SLC46A1: variants seen among roughly 807,000 people sequenced by gnomAD.
SLC46A1 encodes proton-coupled folate transporter.
In SLC46A1, 17 loss-of-function variants were observed where a neutral mutation model predicts 32.1. That is an observed-to-expected ratio of 0.53 (90% CI 0.36 to 0.79). The LOEUF (loss-of-function observed/expected upper bound fraction) is 0.79, where lower values mean the gene tolerates loss of function less well. Among genes scored for constraint, SLC46A1 ranks in the 30% least tolerant of loss-of-function variants. SLC46A1 has a pLI of 0.00. For missense variants in SLC46A1, 517 were observed against 588.2 expected (o/e 0.88, Z 1.25); for synonymous variants, 240 against 262.7 (o/e 0.91, Z 0.84).
In SLC46A1 at chr17:28,399,731, G is replaced by C. The variant is rs782810421; in HGVS notation, c.1323-18C>G. 5.8e-5 allele frequency: 94 copies of C among 1,613,800 alleles called. No homozygotes were observed. The Middle Eastern group carries it at 6.6e-4, about 11-fold the overall frequency. ...CCAGCATCCTGTGAGAGACCAGAGA[G>C]AGAGTTTGGATTTCATGTGGGGAAC... On this transcript the variant is annotated intron_variant, in intron 4 of 4. Coordinates refer to ENST00000612814, the MANE Select transcript of SLC46A1 (RefSeq NM_080669.6).
Position 28,396,289 on chromosome 17 carries a change from A to T in SLC46A1, c.*3367T>A, listed in dbSNP as rs367878633. ...CTGCACCCATGGGTCCAACCTAACC[A>T]GTCCCCAGTTCCCCAGCCCTGCTGT... On this transcript the variant is annotated 3_prime_UTR_variant, in exon 5 of 5. Coordinates refer to ENST00000612814, the MANE Select transcript of SLC46A1 (RefSeq NM_080669.6). 2.9e-5 allele frequency: 46 copies of T among 1,613,784 alleles called. No individual in the cohort carries two copies. In the African/African-American group the frequency reaches 6.1e-4, roughly 22 times the overall value.
At chr17:28,402,357 C>A in intron 2 of SLC46A1, 36 bp from the exon 3 acceptor site, 1 of 1,584,386 alleles carries the variant, frequency 6.3e-7, no homozygotes, top group East Asian at 2.2e-5. Flanking sequence ...GAAAATGGGG[C>A]TGGGGAGAGG....
Position 28,405,297 on chromosome 17 carries a change from C to T in SLC46A1, c.400G>A (p.Val134Met). ...LLLQALVSVF[V>M]VQLQLHVGYF... Reference sequence around the variant, plus strand: ...CCGACGTGGAGCTGCAGCTGCACCACAAAAACGGACACTAGGGCCTGGAGC... The same window carrying T: ...CCGACGTGGAGCTGCAGCTGCACCATAAAAACGGACACTAGGGCCTGGAGC... The change falls in exon 2 of 5, where the codon GTG (valine) becomes ATG (methionine). Residue 134 changes from valine to methionine, a missense_variant. By Grantham distance (21) the Val-to-Met change is conservative. Transcript: ENST00000612814. 1.9e-6 allele frequency: 3 copies of T among 1,589,366 alleles called. No individual in the cohort carries two copies. Among genetic ancestry groups the T allele is most frequent in the Non-Finnish European group, 2.6e-6 (3 of 1,168,594 alleles).
rs2068114071 is a variant in SLC46A1 at position 28,395,807 on chromosome 17, GC to G, written c.*3848del. ...CATCAGGACTGGTGTCCTGCCCTGG[GC>G]CCAGCCTCGGGCCAGTGGGCCTCCC... On this transcript the variant is annotated 3_prime_UTR_variant, in exon 5 of 5. Transcript: ENST00000612814. 1 of 1,420,638 alleles carries G rather than the reference GC, an allele frequency of 7.0e-7. No homozygotes were observed. 88.0% of individuals were successfully genotyped at this position (1,420,638 alleles called of 1,614,324 possible).
At chr17:28,406,215 G>T, upstream of SLC46A1, 1 of 897,436 alleles carries the variant, frequency 1.1e-6, no homozygotes, top group Non-Finnish European at 1.5e-6. This position sits in a 1 kb window ranked among gnomAD's most constrained non-coding sequence, Gnocchi z 4.5. Flanking sequence ...CGCTGTCTGC[G>T]CCTGCGCCCG....
At position 28,404,941 on chromosome 17, in the gene SLC46A1, G is replaced by C. The variant is rs185900287; in HGVS notation, c.756C>G (p.Val252=). 2.5e-3 allele frequency: 4,074 copies of C among 1,614,062 alleles called. 10 individuals are homozygous for C. The highest frequency in any genetic ancestry group is 2.7e-3 in the Non-Finnish European group (3,143 of 1,179,910). ...CTGGGGCGGGAGCCACATAGAGCTG[G>C]ACAATGGATCGGTGGTGACGGAACG... ...LFTFRHHRSI[V]QLYVAPAPEK... Residue 252 remains valine, a synonymous_variant, in exon 2 of 5, where the codon GTC becomes GTG. Coordinates refer to ENST00000612814, the MANE Select transcript of SLC46A1 (RefSeq NM_080669.6).
Position 28,396,786 on chromosome 17 carries a change from C to T in SLC46A1, c.*2870G>A. On this transcript the variant is annotated 3_prime_UTR_variant, in exon 5 of 5. Coordinates refer to ENST00000612814, the MANE Select transcript of SLC46A1 (RefSeq NM_080669.6). ...CCACTCAGACTGTGCCTGGCCCCTG[C>T]ACTTACAACTTCCTGCCGCTCTGTG... 1 of 158,436 alleles carries T rather than the reference C, an allele frequency of 6.3e-6. No homozygotes were observed. The highest frequency in any genetic ancestry group is 1.4e-5 in the Non-Finnish European group (1 of 71,918). The allele number at this position is 158,436 out of a possible 1,614,324, so 9.8% of individuals were successfully genotyped here. A position where few individuals can be genotyped will look rare whatever the true frequency, so the allele number is the denominator to read the frequency against.
chr17:28,395,850 C>T lies in SLC46A1; in HGVS notation c.*3806G>A. The T allele has an allele frequency of 1.9e-6, 3 of 1,604,184 alleles. No homozygotes were observed. The highest frequency in any genetic ancestry group is 3.3e-5 in the Admixed American group (2 of 59,920). ...GGGCCTCCCAGCACCTGCCTGGCTA[C>T]AAGGGTCCCTAGATGGGTACAGGGG... On this transcript the variant is annotated 3_prime_UTR_variant, in exon 5 of 5. Transcript: ENST00000612814.
rs1377908954 is a variant in SLC46A1 at position 28,395,302 on chromosome 17, G to C, written c.*4354C>G. ...TTATAAAGGACACAGCTCAAGAATA[G>C]CCAAATGGAAGAGATACATAGGATC... is the stretch of plus-strand genomic sequence containing the variant. On this transcript the variant is annotated 3_prime_UTR_variant, in exon 5 of 5. Transcript: ENST00000612814. 3 of 152,406 alleles carry C rather than the reference G, an allele frequency of 2.0e-5. No homozygotes were observed. Among genetic ancestry groups the C allele is most frequent in the Non-Finnish European group, 4.4e-5 (3 of 68,236 alleles). 9.4% of individuals were successfully genotyped at this position (152,406 alleles called of 1,614,324 possible). A position where few individuals can be genotyped will look rare whatever the true frequency, so the allele number is the denominator to read the frequency against.
In SLC46A1 at chr17:28,405,471, G is replaced by T; in HGVS notation, c.229-3C>A. On this transcript the variant is annotated splice_polypyrimidine_tract_variant and splice_region_variant and intron_variant, in intron 1 of 4. Coordinates refer to ENST00000612814, the MANE Select transcript of SLC46A1 (RefSeq NM_080669.6). ...TGGGAGGTAAGGGTCTCCACTTCCT[G>T]TAGGGGCACAATGACCAGGGTGCGG... is the stretch of plus-strand genomic sequence containing the variant. 1.3e-6 allele frequency: 2 copies of T among 1,597,210 alleles called. No individual in the cohort carries two copies. Among genetic ancestry groups the T allele is most frequent in the Non-Finnish European group, 1.7e-6 (2 of 1,173,496 alleles).
Position 28,400,817 on chromosome 17 carries a change from A to G in SLC46A1, c.1166-51T>C. On this transcript the variant is annotated intron_variant, in intron 3 of 4. Coordinates refer to ENST00000612814, the MANE Select transcript of SLC46A1 (RefSeq NM_080669.6). ...TGGAGTCCGAAAGGGCCATATTCCA[A>G]CTCTGGCACCACCACCTCACAGCTG... The G allele has an allele frequency of 2.6e-6, 4 of 1,512,570 alleles. No homozygotes were observed. In the Admixed American group the frequency reaches 7.9e-5, roughly 30 times the overall value. The allele number at this position is 1,512,570 out of a possible 1,614,324, so 93.7% of individuals were successfully genotyped here. A position where few individuals can be genotyped will look rare whatever the true frequency, so the allele number is the denominator to read the frequency against.
intron 2 of SLC46A1, 38 bp downstream of exon 2, chr17:28,404,578 C>A (rs551010444): frequency 6.2e-7 from 1 of 1,607,900 alleles, no homozygotes; most frequent in Non-Finnish European, 8.5e-7. Context: ...TTACCCAGTG[C>A]CTCTGGGACA....
rs1555591099 is a variant in SLC46A1 at position 28,405,485 on chromosome 17, A to G, written c.229-17T>C. 3 of 1,594,124 alleles carry G rather than the reference A, an allele frequency of 1.9e-6. No individual in the cohort carries two copies. The highest frequency in any genetic ancestry group is 8.5e-7 in the Non-Finnish European group (1 of 1,172,186). On this transcript the variant is annotated splice_polypyrimidine_tract_variant and intron_variant, in intron 1 of 4. Coordinates refer to ENST00000612814, the MANE Select transcript of SLC46A1 (RefSeq NM_080669.6). Reference sequence around the variant, plus strand: ...CTCCACTTCCTGTAGGGGCACAATGACCAGGGTGCGGTTCCTCACTCTGGG... The same window carrying G: ...CTCCACTTCCTGTAGGGGCACAATGGCCAGGGTGCGGTTCCTCACTCTGGG...
At chr17:28,400,191 G>A (rs1038380293) in intron 4 of SLC46A1, 6 of 238,206 alleles carry the variant, frequency 2.5e-5, no homozygotes, top group South Asian at 6.3e-5. Flanking sequence ...CTCCACGCCC[G>A]GCCATGAAAT....
Position 28,402,358 on chromosome 17 carries a change from TG to T in SLC46A1, c.1082-38del, listed in dbSNP as rs781932073. The T allele has an allele frequency of 3.4e-5, 54 of 1,581,156 alleles. 1 individual carries two copies. In the South Asian group the frequency reaches 5.5e-4, roughly 16 times the overall value. ...CAAACACTCATCAGGAAAATGGGGCTGGGGAGAGGGGCGTCCAAGGGAAAGG... is the reference window on the plus strand; with the variant it reads ...CAAACACTCATCAGGAAAATGGGGCTGGGAGAGGGGCGTCCAAGGGAAAGG... On this transcript the variant is annotated intron_variant, in intron 2 of 4. Coordinates refer to ENST00000612814, the MANE Select transcript of SLC46A1 (RefSeq NM_080669.6).
chr17:28,400,420 C>A (rs1188204530), intron 4 of SLC46A1, 190 bp downstream of exon 4: 1 of 659,944 alleles, frequency 1.5e-6, no homozygotes, highest in African/African-American at 1.8e-5. Flanking sequence ...ACCTAGCTCG[C>A]CATCTCGCCC....
chr17:28,399,440 G>C lies in SLC46A1; in HGVS notation c.*216C>G. ...CTCCTCTGCCACCTGTCCTGCAGTGGGCCTGTGTGGGTTATGATTCTAGAT... is the reference window on the plus strand; with the variant it reads ...CTCCTCTGCCACCTGTCCTGCAGTGCGCCTGTGTGGGTTATGATTCTAGAT... On this transcript the variant is annotated 3_prime_UTR_variant, in exon 5 of 5. Coordinates refer to ENST00000612814, the MANE Select transcript of SLC46A1 (RefSeq NM_080669.6). The C allele has an allele frequency of 3.4e-6, 2 of 583,976 alleles. No homozygotes were observed. Among genetic ancestry groups the C allele is most frequent in the Non-Finnish European group, 3.1e-6 (1 of 327,480 alleles). The allele number at this position is 583,976 out of a possible 1,614,324, so 36.2% of individuals were successfully genotyped here.
intron 1 of SLC46A1, 161 bp downstream of exon 1, chr17:28,405,726 A>G (rs1045402452): frequency 5.1e-6 from 5 of 981,356 alleles, no homozygotes; most frequent in Non-Finnish European, 2.9e-6. Context: ...CCACCCGCTG[A>G]GGTTCTCGGT....
At chr17:28,403,087 G>A (rs980638862) in intron 2 of SLC46A1, 3 of 152,302 alleles carry the variant, frequency 2.0e-5, no homozygotes, top group Admixed American at 2.0e-4. Flanking sequence ...CCAGAAGCTG[G>A]AAGAAATGAG....
Sources: allele counts gnomAD v4.1 joint callset, GRCh38; gene constraint gnomAD v4.1.1; non-coding constraint Gnocchi (gnomAD v3.1); transcripts MANE v1.5; gene names NCBI Gene and HGNC (gene_info 2026-07-23, HGNC 2026-07-21).